Variants in MAPKAP1 observed in about 807,000 individuals in gnomAD.
MAPKAP1 encodes target of rapamycin complex 2 subunit MAPKAP1.
A neutral mutation model predicts 65.7 loss-of-function variants in MAPKAP1; 20 were observed. The ratio of observed to expected loss-of-function variants is 0.30; its 90% CI spans 0.21 to 0.44. The LOEUF (loss-of-function observed/expected upper bound fraction) is 0.44. Among genes scored for constraint, MAPKAP1 ranks in the 20% least tolerant of loss-of-function variants. The probability of loss-of-function intolerance (pLI) is 1.00; values close to 1 mark genes in which losing one functional copy is unlikely to be tolerated. For synonymous variants in MAPKAP1, 222 were observed against 244.3 expected, an observed-to-expected ratio of 0.91 and a Z score of 0.85; for missense variants, 423 against 648.0, an observed-to-expected ratio of 0.65 and a Z score of 3.77.
At chr9:125,491,559 T>C (rs1317346307) in intron 8 of MAPKAP1, among the ~76,000 whole-genome samples, 1 of 152,084 alleles carries the variant, frequency 6.6e-6, no homozygotes, top group East Asian at 1.9e-4. Flanking sequence ...GGTGAATTAC[T>C]TGAGTCCAGG....
chr9:125,473,682 CT>C (rs1273892130), intron 9 of MAPKAP1, among the ~76,000 whole-genome samples: 1 of 152,184 alleles, frequency 6.6e-6, no homozygotes, highest in Non-Finnish European at 1.5e-5. Flanking sequence ...GCATCTTCTT[CT>C]AACACAGACT....
chr9:125,470,462 T>C (rs1853865802), intron 9 of MAPKAP1, among the ~76,000 whole-genome samples: 2 of 152,252 alleles, frequency 1.3e-5, no homozygotes, highest in Admixed American at 1.3e-4. Context: ...CAGAGCCTAC[T>C]TCACAAAGCA....
intron 10 of MAPKAP1, among the ~76,000 whole-genome samples, chr9:125,449,119 TTC>T (rs1397050786): frequency 3.9e-5 from 6 of 152,116 alleles, no homozygotes; most frequent in Non-Finnish European, 5.9e-5. Flanking sequence ...AATTGTTAAA[TTC>T]TGTTTAAATT....
chr9:125,553,147 C>T (rs892415820), intron 6 of MAPKAP1, among the ~76,000 whole-genome samples: 1 of 152,080 alleles, frequency 6.6e-6, no homozygotes, highest in African/African-American at 2.4e-5. Context: ...TTCCATGTTC[C>T]CCATTTTCCA....
At chr9:125,644,338 C>T (rs1389598334) in intron 4 of MAPKAP1, among the ~76,000 whole-genome samples, 4 of 151,894 alleles carry the variant, frequency 2.6e-5, no homozygotes, top group African/African-American at 9.7e-5. Context: ...ACTCATCTAT[C>T]GTAGTAGTAA....
At chr9:125,603,796 A>C (rs1832372235) in intron 4 of MAPKAP1, among the ~76,000 whole-genome samples, 1 of 151,960 alleles carries the variant, frequency 6.6e-6, no homozygotes, top group South Asian at 2.1e-4. Context: ...GACAAAGGTT[A>C]ATTGCAAGCC....
intron 1 of MAPKAP1, among the ~76,000 whole-genome samples, chr9:125,689,956 T>C (rs1485391743): frequency 4.6e-5 from 7 of 151,698 alleles, no homozygotes; most frequent in Admixed American, 2.0e-4. Context: ...GGCATTGTTG[T>C]AGGCGCCCGT....
chr9:125,558,094 C>T (rs548677837), intron 6 of MAPKAP1, among the ~76,000 whole-genome samples: 4 of 152,228 alleles, frequency 2.6e-5, no homozygotes, highest in Admixed American at 6.5e-5. Context: ...TGACCCTCCT[C>T]GGCCTCCCAA....
intron 2 of MAPKAP1, among the ~76,000 whole-genome samples, chr9:125,671,716 T>C (rs777488501): frequency 1.3e-5 from 2 of 152,138 alleles, no homozygotes; most frequent in Non-Finnish European, 2.9e-5. Flanking sequence ...AAGTTGAGTG[T>C]TTTCAAGCCA....
In MAPKAP1 at chr9:125,707,189, T is replaced by A. The variant is rs1304802455; in HGVS notation, c.-288A>T. ...CCGGCCGGCCGAGCAGCAGCCCTAT[T>A]ACCCCGAGCCGCACACGACCCGGAA... On this transcript the variant is annotated 5_prime_UTR_variant, in exon 1 of 12. Transcript: ENST00000265960. The A allele has an allele frequency of 5.0e-6, 2 of 397,970 alleles. No homozygotes were observed. Among genetic ancestry groups the A allele is most frequent in the East Asian group, 3.6e-5 (1 of 27,998 alleles). The allele number at this position is 397,970 out of a possible 1,614,324, so 24.7% of individuals were successfully genotyped here.
chr9:125,592,204 A>G (rs1387745716), intron 4 of MAPKAP1, among the ~76,000 whole-genome samples: 1 of 152,200 alleles, frequency 6.6e-6, no homozygotes, highest in Non-Finnish European at 1.5e-5. Flanking sequence ...AGAAGGGGAA[A>G]GTCCAGTCTG....
intron 4 of MAPKAP1, among the ~76,000 whole-genome samples, chr9:125,619,091 C>G (rs767289487): frequency 2.0e-5 from 3 of 152,150 alleles, no homozygotes; most frequent in Non-Finnish European, 4.4e-5. Flanking sequence ...CTTGGTCATG[C>G]CACTGCACCC....
At chr9:125,464,307 C>T (rs950296543) in intron 10 of MAPKAP1, among the ~76,000 whole-genome samples, 4 of 146,964 alleles carry the variant, frequency 2.7e-5, no homozygotes, top group East Asian at 4.0e-4. Context: ...GTTTCTGATA[C>T]GGAAACATTC....
At chr9:125,629,054 A>AACACAC (rs71374284) in intron 4 of MAPKAP1, among the ~76,000 whole-genome samples, 2,392 of 147,432 alleles carry the variant, frequency 0.016, 94 homozygotes, top group East Asian at 0.098. Flanking sequence ...TCACTGTCAA[A>AACACAC]ACACACACAC....
Position 125,567,301 on chromosome 9 carries a change from C to T in MAPKAP1, c.672-7492G>A, listed in dbSNP as rs367685876. On this transcript the variant is annotated intron_variant, in intron 5 of 11. Transcript: ENST00000265960. ...AGATGGTTAAGGCATTTGGATGAGA[C>T]GGGAGGTCAACACAAAATACAGGTC... is the stretch of plus-strand genomic sequence containing the variant. 4.6e-5 allele frequency among the ~76,000 whole-genome samples: 7 copies of T among 152,252 alleles called. No homozygotes were observed. In the South Asian group the frequency reaches 1.2e-3, roughly 27 times the overall value.
chr9:125,629,054 AACACACACACACACACAC>A (rs71374284), intron 4 of MAPKAP1, among the ~76,000 whole-genome samples: 3 of 147,372 alleles, frequency 2.0e-5, no homozygotes, highest in South Asian at 2.2e-4. Flanking sequence ...TCACTGTCAA[AACACACACACACACACAC>A]ACACACACAC....
chr9:125,490,683 A>G (rs923589915), intron 8 of MAPKAP1, among the ~76,000 whole-genome samples: 2 of 152,206 alleles, frequency 1.3e-5, no homozygotes, highest in African/African-American at 2.4e-5. Flanking sequence ...TTTCAACAAC[A>G]TATCTGTGTC....
chr9:125,688,763 T>C (rs1835066041), intron 1 of MAPKAP1, among the ~76,000 whole-genome samples: 2 of 152,280 alleles, frequency 1.3e-5, no homozygotes, highest in South Asian at 4.1e-4. Flanking sequence ...AAGGCACTTT[T>C]GCCATTCACA....
chr9:125,697,429 T>C (rs1226750242), intron 1 of MAPKAP1, among the ~76,000 whole-genome samples: 1 of 152,230 alleles, frequency 6.6e-6, no homozygotes, highest in Non-Finnish European at 1.5e-5. Flanking sequence ...TTCTTTTCTT[T>C]GCATACATGT....
Sources: allele counts gnomAD v4.1 joint callset (sites outside exome capture counted in the v4.1 genomes callset), GRCh38; gene constraint gnomAD v4.1.1; transcripts MANE v1.5; gene names NCBI Gene and HGNC (gene_info 2026-07-23, HGNC 2026-07-21).